Variants in LRPPRC observed in about 807,000 individuals in gnomAD.
The protein encoded by LRPPRC is leucine-rich PPR motif-containing protein, mitochondrial.
A neutral mutation model predicts 180.3 loss-of-function variants in LRPPRC; 120 were observed. The ratio of observed to expected loss-of-function variants is 0.67; its 90% CI spans 0.57 to 0.77. The LOEUF (loss-of-function observed/expected upper bound fraction) is 0.77, where lower values mean the gene tolerates loss of function less well. Ranked by LOEUF, LRPPRC falls within the 30% of genes least tolerant of loss-of-function variation. LRPPRC has a pLI of 0.00. For missense variants in LRPPRC, 2,012 were observed against 1,657.2 expected, an observed-to-expected ratio of 1.21 and a Z score of -3.72; for synonymous variants, 723 against 600.0, an observed-to-expected ratio of 1.21 and a Z score of -3.00.
intron 19 of LRPPRC, 141 bp downstream of exon 19, chr2:43,947,590 G>C (rs1183352765): frequency 1.5e-6 from 1 of 675,074 alleles, no homozygotes; most frequent in Non-Finnish European, 2.7e-6. Flanking sequence ...TTCTGAGGTG[G>C]GGAACAGGTT....
At chr2:43,915,376 T>A (rs550010556) in intron 29 of LRPPRC, among the ~76,000 whole-genome samples, 1 of 151,950 alleles carries the variant, frequency 6.6e-6, no homozygotes, top group South Asian at 2.1e-4. Flanking sequence ...AGACTGAATA[T>A]GCAGCAAAGG....
intron 14 of LRPPRC, among the ~76,000 whole-genome samples, chr2:43,952,699 C>G (rs986884297): frequency 5.9e-5 from 9 of 152,148 alleles, no homozygotes; most frequent in Non-Finnish European, 1.2e-4. Context: ...GACAATCCTG[C>G]ATGTACGTAT....
chr2:43,905,894 G>A (rs1301619222), intron 30 of LRPPRC, 114 bp from the exon 31 acceptor site: 2 of 782,054 alleles, frequency 2.6e-6, no homozygotes, highest in Non-Finnish European at 4.5e-6. Context: ...TAAAAATATT[G>A]CTGCAAAATA....
At chr2:43,917,994 CACACA>C in intron 29 of LRPPRC, 26 bp downstream of exon 29, 23 of 1,442,526 alleles carry the variant, frequency 1.6e-5, no homozygotes, top group Non-Finnish European at 2.1e-5. Context: ...ACCACCCCCC[CACACA>C]CACCCCCATC....
At chr2:43,920,391 C>A (rs1671657003) in intron 27 of LRPPRC, among the ~76,000 whole-genome samples, 1 of 152,180 alleles carries the variant, frequency 6.6e-6, no homozygotes, top group African/African-American at 2.4e-5. Flanking sequence ...TGGCCTTGGC[C>A]TCCCAAAGTG....
intron 25 of LRPPRC, among the ~76,000 whole-genome samples, chr2:43,931,709 A>G (rs892084394): frequency 6.6e-6 from 1 of 152,214 alleles, no homozygotes; most frequent in African/African-American, 2.4e-5. Flanking sequence ...AACAGAAAAT[A>G]GGGTGAATTA....
chr2:43,890,465 G>A (rs1198786679), intron 36 of LRPPRC: 6 of 373,402 alleles, frequency 1.6e-5, no homozygotes, highest in African/African-American at 1.1e-4. Context: ...TGTAATCCCA[G>A]CACTTTGGGA....
intron 27 of LRPPRC, 118 bp from the exon 28 acceptor site, chr2:43,918,516 T>C: frequency 1.2e-6 from 1 of 850,036 alleles, no homozygotes; most frequent in African/African-American, 1.7e-5. Flanking sequence ...ATGCTGCCTT[T>C]AGGGAAAGGA....
At position 43,886,609 on chromosome 2, in the gene LRPPRC, C is replaced by A. The variant is rs984253792; in HGVS notation, c.*1991G>T. The A allele has an allele frequency of 1.3e-5, 2 of 152,190 alleles. No homozygotes were observed. Among genetic ancestry groups the A allele is most frequent in the Admixed American group, 6.5e-5 (1 of 15,284 alleles). 9.4% of individuals were successfully genotyped at this position (152,190 alleles called of 1,614,324 possible). A position where few individuals can be genotyped will look rare whatever the true frequency, so the allele number is the denominator to read the frequency against. ...GGGGTCTTACCTATTTCCTCTGTAC[C>A]ACACTCACATTTTACCAGAGTCCAT... On this transcript the variant is annotated 3_prime_UTR_variant, in exon 38 of 38. Transcript: ENST00000260665.
chr2:43,959,248 A>C (rs1673241367), intron 13 of LRPPRC: 1 of 713,014 alleles, frequency 1.4e-6, no homozygotes, highest in African/African-American at 1.7e-5. Flanking sequence ...TGGAAGGCAA[A>C]ATCAATACAC....
At chr2:43,966,059 C>T (rs190205506) in intron 11 of LRPPRC, among the ~76,000 whole-genome samples, 29 of 152,266 alleles carry the variant, frequency 1.9e-4, no homozygotes, top group African/African-American at 6.7e-4. Context: ...GATGTAGAAA[C>T]ATGCTGTCAA....
At chr2:43,915,860 G>A (rs1043369226) in intron 29 of LRPPRC, among the ~76,000 whole-genome samples, 1 of 151,990 alleles carries the variant, frequency 6.6e-6, no homozygotes, top group African/African-American at 2.4e-5. Flanking sequence ...TTCAACCTCC[G>A]GCTCAGCTGA....
At chr2:43,889,910 T>C (rs1558885065) in intron 36 of LRPPRC, 34 bp from the exon 37 acceptor site, 3 of 1,519,728 alleles carry the variant, frequency 2.0e-6, no homozygotes, top group Non-Finnish European at 2.7e-6. Flanking sequence ...TAATCAGAGA[T>C]AAAGACAACC....
chr2:43,891,084 G>A (rs1670474273), intron 36 of LRPPRC, among the ~76,000 whole-genome samples: 1 of 152,194 alleles, frequency 6.6e-6, no homozygotes, highest in Admixed American at 6.5e-5. Context: ...AGCTCTTAGT[G>A]GAGTTGGAAC....
At chr2:43,903,936 G>A (rs1219642257) in intron 31 of LRPPRC, 1 of 152,106 alleles carries the variant, frequency 6.6e-6, no homozygotes, top group Non-Finnish European at 1.5e-5. Context: ...AATACTAATA[G>A]GACATAAAGT....
intron 1 of LRPPRC, among the ~76,000 whole-genome samples, chr2:43,995,385 A>G (rs1315818450): frequency 3.9e-5 from 6 of 152,164 alleles, no homozygotes; most frequent in South Asian, 4.1e-4. Context: ...TAAATTTCCA[A>G]TATCTAAATG....
At chr2:43,926,254 T>A (rs900792390) in intron 25 of LRPPRC, among the ~76,000 whole-genome samples, 1 of 152,198 alleles carries the variant, frequency 6.6e-6, no homozygotes, top group Non-Finnish European at 1.5e-5. Context: ...TTCCAAATGC[T>A]GCACTGCACG....
intron 20 of LRPPRC, among the ~76,000 whole-genome samples, chr2:43,946,567 T>C (rs1022103443): frequency 6.6e-5 from 10 of 152,092 alleles, no homozygotes; most frequent in Non-Finnish European, 1.5e-4. Flanking sequence ...CAAATCCTAA[T>C]CACAGTCTAA....
chr2:43,935,717 TAA>T (rs1039794830), intron 23 of LRPPRC, among the ~76,000 whole-genome samples: 37 of 152,300 alleles, frequency 2.4e-4, no homozygotes, highest in African/African-American at 8.2e-4. Context: ...CTGTCTTTAT[TAA>T]AAGTTTTTTT....
Sources: gnomAD v4.1 joint callset for allele counts (sites outside exome capture counted in the v4.1 genomes callset) on GRCh38, gnomAD v4.1.1 for gene constraint, MANE v1.5 for transcripts, NCBI Gene and HGNC (gene_info 2026-07-23, HGNC 2026-07-21) for gene names.